The following TAF15 variants were observed in gnomAD, a reference collection of about 807,000 sequenced individuals.
TAF15 encodes the protein TATA-binding protein-associated factor 2N.
TAF15 carries 37 observed loss-of-function variants against 102.5 expected under a neutral mutation model. That is an observed-to-expected ratio of 0.36 (90% CI 0.28 to 0.47). The LOEUF (loss-of-function observed/expected upper bound fraction) is 0.47. Ranked by LOEUF, TAF15 falls within the 20% of genes least tolerant of loss-of-function variation. TAF15 has a pLI of 0.99. For synonymous variants in TAF15, 273 were observed against 259.2 expected, an observed-to-expected ratio of 1.05 and a Z score of -0.51; for missense variants, 652 against 760.7, an observed-to-expected ratio of 0.86 and a Z score of 1.68.
intron 2 of TAF15, among the ~76,000 whole-genome samples, chr17:35,819,381 A>T (rs574590862): frequency 2.0e-5 from 3 of 152,202 alleles, no homozygotes; most frequent in Non-Finnish European, 4.4e-5. Context: ...TTAATATTCA[A>T]ATCCCAGGAG....
chr17:35,809,753 G>A, intron 1 of TAF15, 177 bp downstream of exon 1: 2 of 798,624 alleles, frequency 2.5e-6, no homozygotes, highest in Non-Finnish European at 4.0e-6. Flanking sequence ...GCTCCCAATG[G>A]CTCCCCGGCT....
intron 9 of TAF15, among the ~76,000 whole-genome samples, 164 bp downstream of exon 9, chr17:35,834,762 T>TTTTTTTTTTA (rs2087453263): frequency 6.9e-6 from 1 of 145,852 alleles, no homozygotes; most frequent in African/African-American, 2.6e-5. Flanking sequence ...TTTTTTTTTT[T>TTTTTTTTTTA]GAGATGGAGT....
At chr17:35,825,608 A>G (rs1052016698) in intron 7 of TAF15, among the ~76,000 whole-genome samples, 3 of 152,198 alleles carry the variant, frequency 2.0e-5, no homozygotes, top group Non-Finnish European at 4.4e-5. Flanking sequence ...CACTGTGTCT[A>G]AGAATGGTGG....
intron 1 of TAF15, 117 bp from the exon 2 acceptor site, chr17:35,817,599 T>C: frequency 1.1e-6 from 1 of 870,330 alleles, no homozygotes; most frequent in Non-Finnish European, 1.8e-6. Context: ...TTGAGTTAGT[T>C]TTTCTTTCTG....
At chr17:35,818,945 G>T (rs898587211) in intron 2 of TAF15, among the ~76,000 whole-genome samples, 1 of 151,884 alleles carries the variant, frequency 6.6e-6, no homozygotes, top group Non-Finnish European at 1.5e-5. Flanking sequence ...AATATTAAGC[G>T]TTTTTTTAGT....
At chr17:35,815,318 T>C (rs1457073042) in intron 1 of TAF15, among the ~76,000 whole-genome samples, 2 of 152,216 alleles carry the variant, frequency 1.3e-5, no homozygotes, top group Non-Finnish European at 1.5e-5. Context: ...AACAGTTGTT[T>C]AGGATGCCTT....
At chr17:35,837,820 C>G (rs189251754) in intron 10 of TAF15, among the ~76,000 whole-genome samples, 47 of 151,816 alleles carry the variant, frequency 3.1e-4, no homozygotes, top group Middle Eastern at 6.8e-3. Flanking sequence ...GAGCGAGACT[C>G]CACCTCAAAA....
intron 1 of TAF15, among the ~76,000 whole-genome samples, chr17:35,814,863 A>AG: frequency 6.6e-6 from 1 of 150,976 alleles, no homozygotes; most frequent in East Asian, 1.9e-4. Context: ...AAAAAAAAAA[A>AG]GTGTGTGTGT....
rs780154302 is a variant in TAF15, at chr17:35,844,059, C to T, written c.1007-18C>T. The T allele has an allele frequency of 3.1e-6, 5 of 1,612,608 alleles. No homozygotes were observed. The highest frequency in any genetic ancestry group is 4.2e-6 in the Non-Finnish European group (5 of 1,178,664). ...AATATCTGCTGCTGATTTTTCTCCC[C>T]TGGCCCCATCCCCCTAGGCCGTGGA... On this transcript the variant is annotated intron_variant, in intron 12 of 15. Transcript: ENST00000605844.
At chr17:35,837,547 G>A (rs933943261) in intron 10 of TAF15, among the ~76,000 whole-genome samples, 4 of 152,066 alleles carry the variant, frequency 2.6e-5, no homozygotes, top group African/African-American at 9.7e-5. Flanking sequence ...CATATTTACG[G>A]CCGGGCGTGG....
At chr17:35,825,392 T>C (rs1426067460) in intron 7 of TAF15, among the ~76,000 whole-genome samples, 2 of 152,220 alleles carry the variant, frequency 1.3e-5, no homozygotes, top group East Asian at 3.8e-4. Flanking sequence ...AAATGGACTA[T>C]GTAAAGTGAC....
At chr17:35,834,719 C>T in intron 9 of TAF15, 121 bp downstream of exon 9, 1 of 748,776 alleles carries the variant, frequency 1.3e-6, no homozygotes, top group Non-Finnish European at 2.2e-6. Flanking sequence ...ATAGTGCTGC[C>T]AGAACTGGGG....
chr17:35,842,226 T>C, intron 11 of TAF15, 141 bp from the exon 12 acceptor site: 3 of 692,942 alleles, frequency 4.3e-6, no homozygotes, highest in South Asian at 1.6e-5. Flanking sequence ...AGCACTGTTA[T>C]CTTGACTCTT....
chr17:35,844,098 G>C lies in TAF15; in HGVS notation c.1028G>C (p.Arg343Pro), dbSNP rs769954060. ...GRRGRGGYRGRGGFQGRGGDP... is the reference protein window; with the variant it reads ...GRRGRGGYRGPGGFQGRGGDP... Reference sequence around the variant, plus strand: ...CTAGGCCGTGGAGGATATAGAGGTCGTGGAGGCTTTCAAGGGAGAGGTGGA... The same window carrying C: ...CTAGGCCGTGGAGGATATAGAGGTCCTGGAGGCTTTCAAGGGAGAGGTGGA... Residue 343 changes from arginine to proline, a missense_variant, in exon 13 of 16, where the codon CGT (arginine) becomes CCT (proline). Coordinates refer to ENST00000605844, the MANE Select transcript of TAF15 (RefSeq NM_139215.3). 16 of 1,614,146 alleles carry C rather than the reference G, an allele frequency of 9.9e-6. No homozygotes were observed. Among genetic ancestry groups the C allele is most frequent in the Non-Finnish European group, 1.4e-5 (16 of 1,180,014 alleles).
intron 5 of TAF15, among the ~76,000 whole-genome samples, chr17:35,820,743 C>T (rs1020894188): frequency 6.6e-6 from 1 of 152,020 alleles, no homozygotes; most frequent in African/African-American, 2.4e-5. Flanking sequence ...ATTAAGACTT[C>T]TCAACATCTA....
intron 10 of TAF15, among the ~76,000 whole-genome samples, chr17:35,836,658 T>C (rs1598543897): frequency 6.6e-6 from 1 of 152,348 alleles, no homozygotes; most frequent in African/African-American, 2.4e-5. Flanking sequence ...AAGCGTCTTT[T>C]GCACTATTTT....
chr17:35,833,706 A>G, intron 7 of TAF15: 1 of 588,782 alleles, frequency 1.7e-6, no homozygotes, highest in Non-Finnish European at 3.0e-6. Flanking sequence ...TTGAAAAGAC[A>G]TCTTGTGGAA....
chr17:35,812,035 C>A (rs575093940), intron 1 of TAF15, among the ~76,000 whole-genome samples: 3 of 152,288 alleles, frequency 2.0e-5, no homozygotes, highest in Admixed American at 6.5e-5. Context: ...GGTTTTATTG[C>A]TCAAGTAACT....
chr17:35,845,078 T>G, intron 15 of TAF15, 40 bp downstream of exon 15: 1 of 1,611,116 alleles, frequency 6.2e-7, no homozygotes, highest in Non-Finnish European at 8.5e-7. Flanking sequence ...TTTACCTCAC[T>G]GCACCTAGAT....
Sources: gnomAD v4.1 joint callset for allele counts (sites outside exome capture counted in the v4.1 genomes callset) on GRCh38, gnomAD v4.1.1 for gene constraint, MANE v1.5 for transcripts, NCBI Gene and HGNC (gene_info 2026-07-23, HGNC 2026-07-21) for gene names.